CHD2: variants seen among roughly 807,000 people sequenced by gnomAD.
CHD2 encodes chromodomain helicase DNA binding protein 2.
Under a neutral mutation model 243.9 loss-of-function variants are expected in CHD2, and 28 were observed. The ratio of observed to expected loss-of-function variants is 0.11; its 90% confidence interval spans 0.09 to 0.16. CHD2 has a LOEUF of 0.16. CHD2 is among the 10% of genes least tolerant of loss of function. CHD2 has a pLI of 1.00. For synonymous variants in CHD2, 775 were observed against 779.0 expected (o/e 0.99, Z 0.09); for missense variants, 1,386 against 2,209.8 (o/e 0.63, Z 7.47).
At chr15:93,017,666 C>T (rs1209192663) in intron 37 of CHD2, among the ~76,000 whole-genome samples, 1 of 152,056 alleles carries the variant, frequency 6.6e-6, no homozygotes, top group Non-Finnish European at 1.5e-5. Context: ...TCTTTTTAAT[C>T]TTCCCTTTCT....
At chr15:92,988,458 ACTTACTC>A (rs1216216430) in intron 26 of CHD2, among the ~76,000 whole-genome samples, 1 of 152,146 alleles carries the variant, frequency 6.6e-6, no homozygotes, top group Non-Finnish European at 1.5e-5. Context: ...TTTTATATTT[ACTTACTC>A]TATTATTCCA....
intron 28 of CHD2, among the ~76,000 whole-genome samples, chr15:92,994,129 C>T (rs1220997827): frequency 6.6e-6 from 1 of 152,168 alleles, no homozygotes; most frequent in Non-Finnish European, 1.5e-5. Context: ...GTGGTTAAAT[C>T]TTCAGGCTCC....
At chr15:92,934,314 A>G (rs2053226857) in intron 5 of CHD2, among the ~76,000 whole-genome samples, 1 of 152,212 alleles carries the variant, frequency 6.6e-6, no homozygotes, top group Admixed American at 6.5e-5. Context: ...GACTTTTTCC[A>G]TGTCTATTTA....
At chr15:93,009,111 TTGTTTA>T (rs1398692841) in intron 34 of CHD2, 28 bp from the exon 35 acceptor site, 1 of 1,603,340 alleles carries the variant, frequency 6.2e-7, no homozygotes, top group East Asian at 2.2e-5. Flanking sequence ...TTTCTGCAGA[TTGTTTA>T]TGTCTTTACT....
At chr15:93,005,547 G>A (rs1289639596) in intron 34 of CHD2, among the ~76,000 whole-genome samples, 1 of 152,084 alleles carries the variant, frequency 6.6e-6, no homozygotes, top group East Asian at 1.9e-4. Flanking sequence ...AGAAAAAGCG[G>A]TTTTCTTTCA....
chr15:93,024,337 C>A (rs1278213330), intron 38 of CHD2, 35 bp from the exon 39 acceptor site: 1 of 1,575,580 alleles, frequency 6.3e-7, no homozygotes, highest in Non-Finnish European at 8.7e-7. Flanking sequence ...AATCTGGCTT[C>A]AGTCTTTCGA....
intron 2 of CHD2, 98 bp from the exon 3 acceptor site, chr15:92,924,223 T>C: frequency 1.0e-6 from 1 of 1,002,572 alleles, no homozygotes; most frequent in South Asian, 1.5e-5. Flanking sequence ...ATTACTAAAA[T>C]TACTATCTGC....
intron 2 of CHD2, among the ~76,000 whole-genome samples, chr15:92,907,933 A>G (rs1023767209): frequency 6.6e-6 from 1 of 151,092 alleles, no homozygotes; most frequent in African/African-American, 2.4e-5. Context: ...GAGATTTGTG[A>G]GAATGATTTT....
At chr15:93,017,243 A>G (rs1451862430) in intron 37 of CHD2, among the ~76,000 whole-genome samples, 1 of 151,508 alleles carries the variant, frequency 6.6e-6, no homozygotes, top group Non-Finnish European at 1.5e-5. Flanking sequence ...TCATCTCTTA[A>G]CTCTTTGAGG....
At chr15:92,995,136 C>T (rs1406739200) in intron 28 of CHD2, among the ~76,000 whole-genome samples, 1 of 152,080 alleles carries the variant, frequency 6.6e-6, no homozygotes, top group East Asian at 1.9e-4. Context: ...TCTTTTTGAT[C>T]TTAGAATATA....
intron 5 of CHD2, among the ~76,000 whole-genome samples, chr15:92,935,784 A>C (rs1220262834): frequency 6.6e-6 from 1 of 152,206 alleles, no homozygotes; most frequent in Non-Finnish European, 1.5e-5. Flanking sequence ...CCGGGGAAGC[A>C]GAATTAGACC....
intron 2 of CHD2, among the ~76,000 whole-genome samples, chr15:92,919,515 C>T (rs967406733): frequency 6.6e-6 from 1 of 152,016 alleles, no homozygotes; most frequent in Non-Finnish European, 1.5e-5. Flanking sequence ...GCCTCAGCCT[C>T]CCGAGTAGCT....
chr15:92,989,851 A>G (rs2141857667), intron 26 of CHD2, among the ~76,000 whole-genome samples: 1 of 152,352 alleles, frequency 6.6e-6, no homozygotes, highest in Middle Eastern at 3.4e-3. Context: ...AAGAAGCCAA[A>G]GCGCAGAGGG....
At chr15:92,979,318 C>G (rs1181474579) in intron 22 of CHD2, 35 bp downstream of exon 22, 1 of 1,606,230 alleles carries the variant, frequency 6.2e-7, no homozygotes, top group Admixed American at 1.7e-5. Flanking sequence ...TAGGCAGAAT[C>G]AAATTGATTC....
chr15:92,960,559 T>C (rs2053671513), intron 16 of CHD2, among the ~76,000 whole-genome samples: 2 of 152,130 alleles, frequency 1.3e-5, no homozygotes, highest in Admixed American at 1.3e-4. Flanking sequence ...AACAATATAG[T>C]ATATTACATT....
In CHD2 at chr15:92,981,094, A is replaced by T. The variant is rs376439502; in HGVS notation, c.2973+183A>T. On this transcript the variant is annotated intron_variant, in intron 23 of 38. Transcript: ENST00000394196. Reference sequence around the variant, plus strand: ...CAAATTGAGTAGGAAGGAATTAATAAAGCATTCGAGTATACTTTTTTGGGT... The same window carrying T: ...CAAATTGAGTAGGAAGGAATTAATATAGCATTCGAGTATACTTTTTTGGGT... Among the ~76,000 whole-genome samples the T allele has an allele frequency of 4.6e-5, 7 of 152,322 alleles. No homozygotes were observed. In the East Asian group the frequency reaches 1.2e-3, roughly 25 times the overall value.
chr15:92,974,835 C>T, intron 19 of CHD2, 44 bp from the exon 20 acceptor site: 1 of 1,565,688 alleles, frequency 6.4e-7, no homozygotes, highest in South Asian at 1.1e-5. Flanking sequence ...CTGAGTGTAG[C>T]TGATCTTCCT....
chr15:92,999,590 G>C (rs2054228490), intron 31 of CHD2, among the ~76,000 whole-genome samples: 1 of 151,966 alleles, frequency 6.6e-6, no homozygotes, highest in African/African-American at 2.4e-5. Flanking sequence ...CATTTATATT[G>C]ATTTCCCTGT....
chr15:92,923,018 C>G (rs2052989149), intron 2 of CHD2, among the ~76,000 whole-genome samples: 2 of 152,158 alleles, frequency 1.3e-5, no homozygotes, highest in South Asian at 4.1e-4. Context: ...CAGTAGCCGT[C>G]TTTATTGGGT....
Sources: gnomAD v4.1 joint callset for allele counts (sites outside exome capture counted in the v4.1 genomes callset) on GRCh38, gnomAD v4.1.1 for gene constraint, MANE v1.5 for transcripts, NCBI Gene and HGNC (gene_info 2026-07-23, HGNC 2026-07-21) for gene names.